EDA: variants seen among roughly 807,000 people sequenced by gnomAD.
The protein encoded by EDA is ectodysplasin A, also known as ectodysplasin-A.
EDA carries 2 observed loss-of-function variants against 23.6 expected under a neutral mutation model. The ratio of observed to expected loss-of-function variants is 0.08; its 90% CI spans 0.03 to 0.27. The LOEUF is 0.27. Among genes scored for constraint, EDA ranks in the 10% least tolerant of loss-of-function variants. EDA has a pLI of 1.00. For missense variants in EDA, 229 were observed against 324.2 expected, an observed-to-expected ratio of 0.71 and a Z score of 2.26; for synonymous variants, 131 against 132.0, an observed-to-expected ratio of 0.99 and a Z score of 0.05.
chrX:69,928,843 A>G lies in EDA; in HGVS notation c.397-28184A>G, dbSNP rs770005130. ...TTAAAGTGTTAAATAGCTGAAAAAC[A>G]CTGAAGTAGGAACTCATAGAAAAGT... is the stretch of plus-strand genomic sequence containing the variant. On this transcript the variant is annotated intron_variant, in intron 1 of 7. Transcript: ENST00000374552. Among the ~76,000 whole-genome samples, 10 of 111,684 alleles carry G rather than the reference A, an allele frequency of 9.0e-5. No homozygotes were observed. The South Asian group carries it at 3.7e-3, about 42-fold the overall frequency.
chrX:69,763,673 A>G (rs2014380480), intron 1 of EDA, among the ~76,000 whole-genome samples: 1 of 111,991 alleles, frequency 8.9e-6, no homozygotes, highest in African/African-American at 3.2e-5. Context: ...CACTAGAGAT[A>G]CTTCACTCAT....
intron 1 of EDA, among the ~76,000 whole-genome samples, chrX:69,795,165 G>C (rs1021540895): frequency 2.7e-5 from 3 of 110,588 alleles, no homozygotes; most frequent in Non-Finnish European, 5.7e-5. Flanking sequence ...AGCTTAATGG[G>C]AGGCTAATCC....
chrX:69,955,946 A>G (rs2018994030), intron 1 of EDA, among the ~76,000 whole-genome samples: 1 of 112,230 alleles, frequency 8.9e-6, no homozygotes, highest in African/African-American at 3.2e-5. Context: ...TTCAGCAAAT[A>G]TATATTTAAG....
At chrX:69,938,127 TCTCA>T in intron 1 of EDA, 1 of 747,012 alleles carries the variant, frequency 1.3e-6, no homozygotes, top group Admixed American at 3.3e-5. Context: ...GTCACTGAGC[TCTCA>T]CTCCTCCTCC....
intron 1 of EDA, among the ~76,000 whole-genome samples, chrX:69,952,676 A>G (rs1432951012): frequency 8.9e-6 from 1 of 112,140 alleles, no homozygotes; most frequent in East Asian, 2.8e-4. Flanking sequence ...AGGGACTTTG[A>G]ACTACTCTTA....
chrX:69,669,932 C>A (rs1933823129), intron 1 of EDA, among the ~76,000 whole-genome samples: 1 of 112,063 alleles, frequency 8.9e-6, no homozygotes, highest in African/African-American at 3.2e-5. Context: ...ATGATTTACA[C>A]ACCATTACAA....
At chrX:69,895,873 G>A (rs145479284) in intron 1 of EDA, among the ~76,000 whole-genome samples, 3 of 112,245 alleles carry the variant, frequency 2.7e-5, no homozygotes, top group African/African-American at 9.7e-5. Flanking sequence ...AACTGTACAA[G>A]TCTATTCTCT....
intron 1 of EDA, among the ~76,000 whole-genome samples, chrX:69,924,020 G>GT (rs755191564): frequency 2.7e-5 from 3 of 110,806 alleles, no homozygotes; most frequent in African/African-American, 9.8e-5. Flanking sequence ...GATTGGGGTT[G>GT]TTTTTTTCTT....
intron 1 of EDA, among the ~76,000 whole-genome samples, chrX:69,678,229 G>C (rs1934182123): frequency 9.1e-6 from 1 of 109,795 alleles, no homozygotes; most frequent in South Asian, 4.0e-4. Flanking sequence ...CTGTAGCCTT[G>C]TAGTATAGTT....
At chrX:69,837,317 C>A (rs1015139632) in intron 1 of EDA, among the ~76,000 whole-genome samples, 2 of 111,872 alleles carry the variant, frequency 1.8e-5, no homozygotes, top group Non-Finnish European at 3.8e-5. Context: ...TGCCTCACAA[C>A]CACTGTGCCA....
chrX:69,919,369 A>G (rs903954323), intron 1 of EDA, among the ~76,000 whole-genome samples: 3 of 112,299 alleles, frequency 2.7e-5, no homozygotes, highest in African/African-American at 9.7e-5. Flanking sequence ...GAAACTCAGA[A>G]CCATGAGACC....
At chrX:70,009,820 C>G (rs1268696140) in intron 2 of EDA, among the ~76,000 whole-genome samples, 2 of 111,634 alleles carry the variant, frequency 1.8e-5, no homozygotes, top group African/African-American at 6.5e-5. Context: ...CTCCTGACCT[C>G]AGGTGATCTG....
rs777059964 is a variant in EDA at position 69,627,347 on chromosome X, A to ATAGC, written c.396+10654_396+10657dup. Among the ~76,000 whole-genome samples the ATAGC allele has an allele frequency of 2.7e-5, 3 of 111,159 alleles. No individual in the cohort carries two copies. The East Asian group carries it at 8.5e-4, about 31-fold the overall frequency. ...CTTACTCTTATTCTCTCTGATAGAA[A>ATAGC]TAGCTAGCTAGCTATTCCCAGATCC... On this transcript the variant is annotated intron_variant, in intron 1 of 7. Transcript: ENST00000374552.
intron 1 of EDA, among the ~76,000 whole-genome samples, chrX:69,657,158 T>G (rs1320180809): frequency 1.8e-5 from 2 of 111,849 alleles, no homozygotes; most frequent in African/African-American, 6.5e-5. Context: ...CTCACCAACA[T>G]GTTTGTTTGC....
rs752919988 is a variant in EDA, at chrX:69,813,928, G to A, written c.397-143099G>A. Among the ~76,000 whole-genome samples the A allele has an allele frequency of 6.7e-4, 75 of 111,887 alleles. 1 individual carries two copies. Among genetic ancestry groups the A allele is most frequent in the African/African-American group, 2.4e-3 (75 of 30,875 alleles). On this transcript the variant is annotated intron_variant, in intron 1 of 7. Transcript: ENST00000374552. ...TTGAGAATAGAAGCTCTGTAGTAAA[G>A]CAGTTTCCTAGACTGATGGTGATTA...
intron 1 of EDA, among the ~76,000 whole-genome samples, chrX:69,891,542 G>A (rs888036652): frequency 4.5e-5 from 5 of 111,166 alleles, no homozygotes; most frequent in African/African-American, 1.6e-4. Context: ...ACTGGATAAA[G>A]AAAATGTGGT....
intron 1 of EDA, among the ~76,000 whole-genome samples, chrX:69,898,356 T>G (rs1487965303): frequency 3.6e-5 from 4 of 111,384 alleles, no homozygotes; most frequent in Non-Finnish European, 7.5e-5. Context: ...GTGGCTCATT[T>G]GAGGTCAGGA....
rs916936352 is a variant in EDA, at chrX:69,918,666, C to T, written c.397-38361C>T. Among the ~76,000 whole-genome samples, 9 of 111,890 alleles carry T rather than the reference C, an allele frequency of 8.0e-5. 1 individual carries two copies. Among genetic ancestry groups the T allele is most frequent in the Non-Finnish European group, 1.5e-4 (8 of 53,193 alleles). On this transcript the variant is annotated intron_variant, in intron 1 of 7. Coordinates refer to ENST00000374552, the MANE Select transcript of EDA (RefSeq NM_001399.5). ...AAACCATTTCCAAACTCCAGCTTAG[C>T]TTTTCCTGTGAAGACAGTCAACTCT...
chrX:69,768,402 T>C (rs1368140007), intron 1 of EDA, among the ~76,000 whole-genome samples: 2 of 111,912 alleles, frequency 1.8e-5, no homozygotes, highest in Non-Finnish European at 3.8e-5. Context: ...TGTCTTTATT[T>C]ATTTTTTTGC....
Sources: gnomAD v4.1 joint callset for allele counts (sites outside exome capture counted in the v4.1 genomes callset) on GRCh38, gnomAD v4.1.1 for gene constraint, MANE v1.5 for transcripts, NCBI Gene and HGNC (gene_info 2026-07-23, HGNC 2026-07-21) for gene names.